Variants in ASB7 observed in about 807,000 individuals in gnomAD.
ASB7 encodes ankyrin repeat and SOCS box protein 7.
In ASB7, 4 loss-of-function variants were observed where a neutral mutation model predicts 32.5. The ratio of observed to expected loss-of-function variants is 0.12; its 90% CI spans 0.06 to 0.28. The LOEUF is 0.28. Among genes scored for constraint, ASB7 ranks in the 10% least tolerant of loss-of-function variants. The pLI is 1.00. For missense variants in ASB7, 181 were observed against 407.1 expected (o/e 0.44, Z 4.78); for synonymous variants, 172 against 155.6 (o/e 1.11, Z -0.78).
chr15:100,645,822 G>C (rs564648439), intron 5 of ASB7: 4 of 1,293,462 alleles, frequency 3.1e-6, no homozygotes, highest in Non-Finnish European at 4.5e-6. Flanking sequence ...TGCCAAACGC[G>C]ACATCCCACA....
At chr15:100,632,860 A>AC (rs2039894189) in intron 5 of ASB7, among the ~76,000 whole-genome samples, 1 of 86,734 alleles carries the variant, frequency 1.2e-5, no homozygotes, top group African/African-American at 4.6e-5. Context: ...ATAGTGCAAA[A>AC]AAAAAAAAAA....
Position 100,610,352 on chromosome 15 carries a change from G to A in ASB7, c.-52+524G>A, listed in dbSNP as rs538714686. 7.9e-5 allele frequency among the ~76,000 whole-genome samples: 12 copies of A among 152,190 alleles called. No homozygotes were observed. In the East Asian group the frequency reaches 9.7e-4, roughly 12 times the overall value. Reference sequence around the variant, plus strand: ...TACTAAAAATACAAAAAAATTAGCCGGGCGTGGTGGCAGGCGCCTGTAGTC... The same window carrying A: ...TACTAAAAATACAAAAAAATTAGCCAGGCGTGGTGGCAGGCGCCTGTAGTC... On this transcript the variant is annotated intron_variant, in intron 3 of 5. Transcript: ENST00000332783.
At chr15:100,630,071 A>AT (rs1567116022) in intron 5 of ASB7, 29 bp downstream of exon 5, 4 of 1,514,900 alleles carry the variant, frequency 2.6e-6, no homozygotes, top group Non-Finnish European at 3.5e-6. Context: ...ACTTTATTGC[A>AT]TTTTTTAAAA....
chr15:100,608,381 G>C (rs568529472), intron 2 of ASB7, among the ~76,000 whole-genome samples: 1 of 152,314 alleles, frequency 6.6e-6, no homozygotes, highest in South Asian at 2.1e-4. Context: ...CTGAACAACA[G>C]ATGTGTTTCT....
At chr15:100,634,346 T>C (rs934419436) in intron 5 of ASB7, among the ~76,000 whole-genome samples, 1 of 152,252 alleles carries the variant, frequency 6.6e-6, no homozygotes, top group Admixed American at 6.5e-5. Flanking sequence ...AGTGAGGCTT[T>C]AATGATCGGC....
In ASB7 at chr15:100,612,071, G is replaced by A. The variant is rs1283679463; in HGVS notation, c.-51-95G>A. 22 of 727,458 alleles carry A rather than the reference G, an allele frequency of 3.0e-5. No individual in the cohort carries two copies. In the South Asian group the frequency reaches 3.8e-4, roughly 13 times the overall value. The allele number at this position is 727,458 out of a possible 1,614,324, so 45.1% of individuals were successfully genotyped here. On this transcript the variant is annotated intron_variant, in intron 3 of 5. Transcript: ENST00000332783. ...TGCACTGTCATTAGTAAGGTTTACT[G>A]ATGTAGCAAATGGAATGTTCTGTGA...
At chr15:100,604,316 T>C (rs1015623687) in intron 2 of ASB7, among the ~76,000 whole-genome samples, 3 of 152,170 alleles carry the variant, frequency 2.0e-5, no homozygotes, top group African/African-American at 7.2e-5. Flanking sequence ...AGGGGGGATA[T>C]AAGCATGGAA....
intron 4 of ASB7, 116 bp downstream of exon 4, chr15:100,612,543 A>T: frequency 1.1e-6 from 1 of 910,096 alleles, no homozygotes; most frequent in Admixed American, 2.2e-5. Flanking sequence ...TCAACATATT[A>T]TTCTCTCTCC....
Position 100,650,833 on chromosome 15 carries a change from A to G in ASB7, c.*2371A>G, listed in dbSNP as rs1233760491. ...TTATTTTTGTTGTTAATAAAATCCC[A>G]ATCACATTTCACAATAACTAAAATG... is the stretch of plus-strand genomic sequence containing the variant. On this transcript the variant is annotated 3_prime_UTR_variant, in exon 6 of 6. Transcript: ENST00000332783. 6.6e-6 allele frequency: 1 copy of G among 152,258 alleles called. No individual in the cohort carries two copies. The highest frequency in any genetic ancestry group is 2.4e-5 in the African/African-American group (1 of 41,468). The allele number at this position is 152,258 out of a possible 1,614,324, so 9.4% of individuals were successfully genotyped here. A position where few individuals can be genotyped will look rare whatever the true frequency, so the allele number is the denominator to read the frequency against.
Position 100,603,211 on chromosome 15 carries a change from C to G in ASB7, c.-272-4C>G. 2.6e-6 allele frequency: 1 copy of G among 384,690 alleles called. No homozygotes were observed. The highest frequency in any genetic ancestry group is 4.6e-6 in the Non-Finnish European group (1 of 218,518). 23.8% of individuals were successfully genotyped at this position (384,690 alleles called of 1,614,324 possible). ...ACACCACTCACTGGTTTCTGTTTTT[C>G]TAGGTTTGAGCTGGCTGAAGAAGAC... On this transcript the variant is annotated splice_polypyrimidine_tract_variant and splice_region_variant and intron_variant, in intron 1 of 5. Transcript: ENST00000332783.
At chr15:100,645,178 T>C (rs1171773661) in intron 5 of ASB7, among the ~76,000 whole-genome samples, 2 of 152,186 alleles carry the variant, frequency 1.3e-5, no homozygotes, top group Non-Finnish European at 2.9e-5. Flanking sequence ...GTCAAAATGA[T>C]TTCTTCCCTT....
At chr15:100,633,176 T>C (rs958340161) in intron 5 of ASB7, among the ~76,000 whole-genome samples, 3 of 134,116 alleles carry the variant, frequency 2.2e-5, no homozygotes, top group Non-Finnish European at 4.8e-5. Context: ...GCAGTGTTTA[T>C]AAGAAGCCAG....
intron 5 of ASB7, chr15:100,645,303 T>G (rs1029877808): frequency 5.5e-5 from 11 of 200,306 alleles, no homozygotes; most frequent in South Asian, 1.8e-4. Flanking sequence ...TTATGAAGGG[T>G]GAAAACTTTA....
Position 100,650,090 on chromosome 15 carries a change from G to A in ASB7, c.*1628G>A, listed in dbSNP as rs1346964717. On this transcript the variant is annotated 3_prime_UTR_variant, in exon 6 of 6. Coordinates refer to ENST00000332783, the MANE Select transcript of ASB7 (RefSeq NM_198243.3). ...GTGCCTAAGCATTGCACAGGTTTCC[G>A]AAGACGGGCAGCTTCAGAGAAGAGG... The A allele has an allele frequency of 3.3e-5, 5 of 152,220 alleles. No individual in the cohort carries two copies. Among genetic ancestry groups the A allele is most frequent in the African/African-American group, 7.2e-5 (3 of 41,464 alleles). The allele number at this position is 152,220 out of a possible 1,614,324, so 9.4% of individuals were successfully genotyped here. A position where few individuals can be genotyped will look rare whatever the true frequency, so the allele number is the denominator to read the frequency against.
In ASB7 at chr15:100,629,627, G is replaced by T. The variant is rs2039868578; in HGVS notation, c.402G>T (p.Arg134=). 2 of 1,614,152 alleles carry T rather than the reference G, an allele frequency of 1.2e-6. No homozygotes were observed. The highest frequency in any genetic ancestry group is 1.7e-6 in the Non-Finnish European group (2 of 1,180,034). The part of the protein sequence containing the change: ...AAHYGRDSFV[R]LLLEFKAEVD... Reference sequence around the variant, plus strand: ...ACTACGGCAGGGACTCATTTGTCCGGCTCCTCCTGGAGTTCAAGGCTGAGG... The same window carrying T: ...ACTACGGCAGGGACTCATTTGTCCGTCTCCTCCTGGAGTTCAAGGCTGAGG... The change falls in exon 5 of 6, where the codon CGG becomes CGT. Residue 134 remains arginine, a synonymous_variant. Transcript: ENST00000332783. The surrounding 1 kb of genome is among the most constrained non-coding windows in gnomAD (Gnocchi z 6.8).
chr15:100,627,013 TATACTCGTATAC>T (rs998025331), intron 4 of ASB7, among the ~76,000 whole-genome samples: 7 of 152,138 alleles, frequency 4.6e-5, no homozygotes, highest in African/African-American at 1.7e-4. Context: ...TGGTGGGTTA[TATACTCGTATAC>T]AGTTATCAAA....
At chr15:100,630,878 T>C (rs2039878241) in intron 5 of ASB7, among the ~76,000 whole-genome samples, 1 of 152,210 alleles carries the variant, frequency 6.6e-6, no homozygotes, top group East Asian at 1.9e-4. Context: ...TTTTGCTGTC[T>C]GCTGAACTTT....
At chr15:100,609,494 G>C (rs1567111163) in intron 2 of ASB7, 1 of 152,086 alleles carries the variant, frequency 6.6e-6, no homozygotes, top group Non-Finnish European at 1.5e-5. Context: ...GCTGCATTTT[G>C]GGGGGAAAAG....
chr15:100,608,808 G>A (rs2039670126), intron 2 of ASB7, among the ~76,000 whole-genome samples: 2 of 152,186 alleles, frequency 1.3e-5, no homozygotes, highest in East Asian at 3.8e-4. Context: ...GAGAATAGAG[G>A]AAAAGAGAGA....
Sources: allele counts gnomAD v4.1 joint callset (sites outside exome capture counted in the v4.1 genomes callset), GRCh38; gene constraint gnomAD v4.1.1; non-coding constraint Gnocchi (gnomAD v3.1); transcripts MANE v1.5; gene names NCBI Gene and HGNC (gene_info 2026-07-23, HGNC 2026-07-21).